The following KIF1C variants were observed in gnomAD, a reference collection of about 807,000 sequenced individuals.
KIF1C encodes the protein kinesin family member 1C, also known as kinesin-like protein KIF1C.
In KIF1C, 61 loss-of-function variants were observed where a neutral mutation model predicts 126.5. The observed-to-expected ratio is 0.48, with a 90% CI of 0.39 to 0.60. The LOEUF (loss-of-function observed/expected upper bound fraction) is 0.60. KIF1C is among the 20% of genes least tolerant of loss of function. The pLI, the probability that KIF1C is intolerant of heterozygous loss-of-function variation, is 0.00. For missense variants in KIF1C, 1,315 were observed against 1,489.2 expected (o/e 0.88, Z 1.93); for synonymous variants, 640 against 580.6 (o/e 1.10, Z -1.47).
chr17:5,022,301 C>A lies in KIF1C; in HGVS notation c.2220C>A (p.Arg740=), dbSNP rs534107875. Residue 740 remains arginine, a synonymous_variant, in exon 22 of 23, where the codon CGC becomes CGA. Coordinates refer to ENST00000320785, the MANE Select transcript of KIF1C (RefSeq NM_006612.6). This position sits in a 1 kb window ranked among gnomAD's most constrained non-coding sequence, Gnocchi z 4.9. ...GCAGGCTGCAGGGCAAAGACCCCCG[C>A]TGGGCCACCATGGCTGACCTGAAGA... is the stretch of plus-strand genomic sequence containing the variant. The part of the protein sequence containing the change: ...QRRRLQGKDP[R]WATMADLKMQ... The A allele has an allele frequency of 2.5e-6, 4 of 1,611,872 alleles. No individual in the cohort carries two copies. The highest frequency in any genetic ancestry group is 2.2e-5 in the South Asian group (2 of 90,720).
chr17:5,001,328 G>A lies in KIF1C; in HGVS notation c.290G>A (p.Gly97Glu). ...EGYNVCIFAY[G>E]QTGAGKSYTM... ...TACAACGTGTGCATCTTTGCCTATG[G>A]GCAGACCGGGGCTGGGAAATCCTAT... Residue 97 changes from glycine to glutamate, a missense_variant, in exon 5 of 23, where the codon GGG becomes GAG. Coordinates refer to ENST00000320785, the MANE Select transcript of KIF1C (RefSeq NM_006612.6). 1 of 1,614,126 alleles carries A rather than the reference G, an allele frequency of 6.2e-7. No homozygotes were observed. Among genetic ancestry groups the A allele is most frequent in the Non-Finnish European group, 8.5e-7 (1 of 1,179,978 alleles).
chr17:5,000,735 C>A, intron 3 of KIF1C, 37 bp from the exon 4 acceptor site: 1 of 1,601,240 alleles, frequency 6.2e-7, no homozygotes, highest in South Asian at 1.1e-5. Flanking sequence ...AATACCTGAC[C>A]TTGACTTTCC....
rs2143382149 is a variant in KIF1C at position 5,020,864 on chromosome 17, G to T, written c.1996G>T (p.Glu666Ter). The T allele has an allele frequency of 6.3e-7, 1 of 1,580,468 alleles. No homozygotes were observed. Among genetic ancestry groups the T allele is most frequent in the Non-Finnish European group, 8.6e-7 (1 of 1,162,886 alleles). Residue 666 changes from glutamate to a stop codon, truncating the protein, a stop_gained, in exon 21 of 23, where the codon GAG becomes TAG. Coordinates refer to ENST00000320785, the MANE Select transcript of KIF1C (RefSeq NM_006612.6). LOFTEE classifies it high-confidence loss of function. This position sits in a 1 kb window ranked among gnomAD's most constrained non-coding sequence, Gnocchi z 5.8. Reference sequence around the variant, plus strand: ...AAAGGAAGAAGCCGATCTTCTGCTGGAGCAGCAGCGACTGGTGAGGGGCAG... The same window carrying T: ...AAAGGAAGAAGCCGATCTTCTGCTGTAGCAGCAGCGACTGGTGAGGGGCAG... The part of the protein sequence containing the change: ...KEKEEADLLL[E>*]QQRLYADSDS...
chr17:5,008,759 G>C (rs1403193633), intron 16 of KIF1C, among the ~76,000 whole-genome samples: 3 of 152,196 alleles, frequency 2.0e-5, no homozygotes, highest in Non-Finnish European at 2.9e-5. Flanking sequence ...TGGGGCTTTG[G>C]GGTCCTTCTG....
Position 5,025,243 on chromosome 17 carries a change from A to G in KIF1C, c.*1092A>G, listed in dbSNP as rs1361870048. The G allele has an allele frequency of 6.6e-6, 1 of 152,296 alleles. No individual in the cohort carries two copies. The highest frequency in any genetic ancestry group is 1.5e-5 in the Non-Finnish European group (1 of 68,132). The allele number at this position is 152,296 out of a possible 1,614,324, so 9.4% of individuals were successfully genotyped here. ...AGCAGCACCACTGTCTGTTATGGACAAAGCACAGAAGCGGGGATGCGAGGG... is the reference window on the plus strand; with the variant it reads ...AGCAGCACCACTGTCTGTTATGGACGAAGCACAGAAGCGGGGATGCGAGGG... On this transcript the variant is annotated 3_prime_UTR_variant, in exon 23 of 23. Transcript: ENST00000320785.
intron 18 of KIF1C, among the ~76,000 whole-genome samples, chr17:5,018,429 G>A (rs1975024049): frequency 1.3e-5 from 2 of 152,024 alleles, no homozygotes; most frequent in Non-Finnish European, 1.5e-5. Context: ...CACTTTGGGA[G>A]GCCAAGGCGG....
chr17:5,001,180 TC>T, intron 4 of KIF1C, 41 bp from the exon 5 acceptor site: 5 of 1,595,264 alleles, frequency 3.1e-6, no homozygotes, highest in Non-Finnish European at 4.3e-6. Flanking sequence ...GATAAAGACA[TC>T]CAGGGTTACT....
intron 17 of KIF1C, 57 bp from the exon 18 acceptor site, chr17:5,014,686 G>C: frequency 7.9e-7 from 1 of 1,257,964 alleles, no homozygotes; most frequent in Non-Finnish European, 1.1e-6. Context: ...TGGTGTTCAG[G>C]AGGGGCTTGG....
In KIF1C at chr17:5,025,971, T is replaced by G. The variant is rs1006555704; in HGVS notation, c.*1820T>G. ...TTGCCAGACTCTGGAGTCCCCACAT[T>G]TTCATCCTGTTCTCAGGAAAACACT... On this transcript the variant is annotated 3_prime_UTR_variant, in exon 23 of 23. Coordinates refer to ENST00000320785, the MANE Select transcript of KIF1C (RefSeq NM_006612.6). 1.3e-5 allele frequency: 2 copies of G among 152,174 alleles called. No individual in the cohort carries two copies. The highest frequency in any genetic ancestry group is 4.8e-5 in the African/African-American group (2 of 41,432). The allele number at this position is 152,174 out of a possible 1,614,324, so 9.4% of individuals were successfully genotyped here.
In KIF1C at chr17:5,007,015, G is replaced by C; in HGVS notation, c.1266G>C (p.Glu422Asp). 6.2e-7 allele frequency: 1 copy of C among 1,610,244 alleles called. No homozygotes were observed. The highest frequency in any genetic ancestry group is 8.5e-7 in the Non-Finnish European group (1 of 1,178,926). The change falls in exon 14 of 23, where the codon GAG becomes GAC. Residue 422 changes from glutamate to aspartate, a missense_variant. Physicochemically the swap from Glu to Asp is conservative, Grantham distance 45. This residue lies in a region of KIF1C where 874 missense variants were observed against 1,053.2 expected (regional missense o/e 0.83). Coordinates refer to ENST00000320785, the MANE Select transcript of KIF1C (RefSeq NM_006612.6). The part of the protein sequence containing the change: ...SPSSPTTHNG[E>D]LEPSFSPNTE... ...CATCACCCACCACACATAATGGGGA[G>C]CTGGAGCCGTCATTCTCCCCCAACA...
chr17:5,019,083 C>T (rs1275989802), intron 18 of KIF1C: 2 of 160,006 alleles, frequency 1.2e-5, no homozygotes, highest in African/African-American at 4.8e-5. Flanking sequence ...TGCTCCTAAG[C>T]TGAGTCCTCT....
rs750671441 is a variant in KIF1C at position 5,003,619 on chromosome 17, A to C, written c.728A>C (p.Lys243Thr). The change falls in exon 9 of 23, where the codon AAG becomes ACG. Residue 243 changes from lysine to threonine, a missense_variant. Around this residue, in one of 2 missense-constraint regions of KIF1C, gnomAD observed 874 missense variants for 1,053.2 expected, o/e 0.83. Coordinates refer to ENST00000320785, the MANE Select transcript of KIF1C (RefSeq NM_006612.6). ...TGTTTCCTCTGACCCCAGGTCAGTAAGATCAGTTTGGTGGACCTTGCTGGG... is the reference window on the plus strand; with the variant it reads ...TGTTTCCTCTGACCCCAGGTCAGTACGATCAGTTTGGTGGACCTTGCTGGG... ...LTGLDSEKVS[K>T]ISLVDLAGSE... is the part of the protein sequence containing the mutation. 4 of 1,612,436 alleles carry C rather than the reference A, an allele frequency of 2.5e-6. No individual in the cohort carries two copies. The East Asian group carries it at 8.9e-5, about 36-fold the overall frequency.
Position 5,004,570 on chromosome 17 carries a change from G to C in KIF1C, c.944G>C (p.Gly315Ala). 6.2e-7 allele frequency: 1 copy of C among 1,614,044 alleles called. No homozygotes were observed. Among genetic ancestry groups the C allele is most frequent in the Non-Finnish European group, 8.5e-7 (1 of 1,179,968 alleles). Residue 315 changes from glycine (G) to alanine (A), a missense_variant, in exon 12 of 23, where the codon GGG becomes GCG. Physicochemically the swap from Gly to Ala is moderately conservative, Grantham distance 60. Coordinates refer to ENST00000320785, the MANE Select transcript of KIF1C (RefSeq NM_006612.6). Reference protein sequence around the residue: ...LTWLLKENLGGNSRTAMIAAL... With the variant: ...LTWLLKENLGANSRTAMIAAL... ...TTTCCATGCACTCCATTCACAGGGG[G>C]GAACTCACGCACAGCCATGATTGCA...
At chr17:5,004,681 T>C (rs1348093981) in intron 12 of KIF1C, 36 bp downstream of exon 12, 1 of 1,606,124 alleles carries the variant, frequency 6.2e-7, no homozygotes, top group African/African-American at 1.3e-5. Context: ...TGGGGCAGCA[T>C]AGGAAGAGTG....
chr17:5,009,698 G>A (rs575345623), intron 16 of KIF1C, among the ~76,000 whole-genome samples: 9 of 149,970 alleles, frequency 6.0e-5, no homozygotes, highest in Non-Finnish European at 1.3e-4. Flanking sequence ...TGAGGCAGTA[G>A]AATGACATGA....
chr17:5,020,362 T>C lies in KIF1C; in HGVS notation c.1751-130T>C. On this transcript the variant is annotated intron_variant, in intron 19 of 22. Coordinates refer to ENST00000320785, the MANE Select transcript of KIF1C (RefSeq NM_006612.6). This position sits in a 1 kb window ranked among gnomAD's most constrained non-coding sequence, Gnocchi z 5.8. ...CAGCCAGGGGAGCATAGGCTCCAAC[T>C]GCCTTCAGACTTGGGGTGATGAAGG... 1.0e-6 allele frequency: 1 copy of C among 975,726 alleles called. No homozygotes were observed. Among genetic ancestry groups the C allele is most frequent in the African/African-American group, 1.6e-5 (1 of 60,804 alleles). The allele number at this position is 975,726 out of a possible 1,614,324, so 60.4% of individuals were successfully genotyped here.
chr17:5,024,008 A>T lies in KIF1C; in HGVS notation c.3169A>T (p.Lys1057Ter). Reference sequence around the variant, plus strand: ...TGAACCCCAGCACTTCCAGCCCAAAAAGCACAACTCTTATCCCCAGCCACC... The same window carrying T: ...TGAACCCCAGCACTTCCAGCCCAAATAGCACAACTCTTATCCCCAGCCACC... ...QPEPQHFQPK[K>*]HNSYPQPPQP... The change falls in exon 23 of 23, where the codon AAG (lysine) becomes TAG (stop). Residue 1057 changes from lysine to a stop codon, truncating the protein, a stop_gained. Coordinates refer to ENST00000320785, the MANE Select transcript of KIF1C (RefSeq NM_006612.6). LOFTEE classifies it high-confidence loss of function. 2.5e-6 allele frequency: 4 copies of T among 1,595,426 alleles called. No individual in the cohort carries two copies. Among genetic ancestry groups the T allele is most frequent in the Non-Finnish European group, 3.4e-6 (4 of 1,170,580 alleles).
At chr17:5,018,831 C>T (rs62072491) in intron 18 of KIF1C, among the ~76,000 whole-genome samples, 7,192 of 152,156 alleles carry the variant, frequency 0.047, 233 homozygotes, top group East Asian at 0.19. Context: ...TTTATATCAC[C>T]AATGTATTTC....
intron 17 of KIF1C, 111 bp from the exon 18 acceptor site, chr17:5,014,632 T>G: frequency 1.3e-6 from 1 of 785,278 alleles, no homozygotes; most frequent in South Asian, 1.6e-5. Context: ...CTTCCTCATC[T>G]GTGAAATGGG....
Sources: gnomAD v4.1 joint callset for allele counts (sites outside exome capture counted in the v4.1 genomes callset) on GRCh38, gnomAD v4.1.1 for gene constraint, gnomAD v4.1.1 regional missense constraint, Gnocchi (gnomAD v3.1) non-coding constraint, MANE v1.5 for transcripts, NCBI Gene and HGNC (gene_info 2026-07-23, HGNC 2026-07-21) for gene names.